PILRB: variants seen among roughly 807,000 people sequenced by gnomAD.
PILRB encodes the protein paired immunoglobin like type 2 receptor beta.
A neutral mutation model predicts 20.5 loss-of-function variants in PILRB; 21 were observed. The ratio of observed to expected loss-of-function variants is 1.02; its 90% confidence interval spans 0.72 to 1.47. The LOEUF (loss-of-function observed/expected upper bound fraction) is 1.47. Ranked by LOEUF, PILRB falls within the 40% of genes most tolerant of loss-of-function variation. The pLI, the probability that PILRB is intolerant of heterozygous loss-of-function variation, is 0.00. For missense variants in PILRB, 253 were observed against 272.1 expected (o/e 0.93, Z 0.49); for synonymous variants, 133 against 115.1 (o/e 1.16, Z -0.99).
intron 3 of PILRB, among the ~76,000 whole-genome samples, chr7:100,367,044 ACTG>A (rs943088002): frequency 1.3e-5 from 2 of 151,850 alleles, no homozygotes; most frequent in Admixed American, 1.3e-4. Flanking sequence ...TGGGATGGAG[ACTG>A]CTATCACCTG....
At chr7:100,362,758 C>A (rs1414122285) in intron 3 of PILRB, among the ~76,000 whole-genome samples, 1 of 152,096 alleles carries the variant, frequency 6.6e-6, no homozygotes. Flanking sequence ...ATCCGCCCAC[C>A]TTGGCCTCCC....
rs1006223388 is a variant in PILRB, at chr7:100,358,363, C to A, written c.61C>A (p.Pro21Thr). ...LLLQPPAFLQ[P>T]GGSTGSGPSY... ...GCTGCAGCCGCCAGCATTTCTGCAGCCTGGTGAGTACCCAGGACCGCCCAG... is the reference window on the plus strand; with the variant it reads ...GCTGCAGCCGCCAGCATTTCTGCAGACTGGTGAGTACCCAGGACCGCCCAG... The change falls in exon 1 of 4, where the codon CCT becomes ACT. Residue 21 changes from proline to threonine, a missense_variant. Physicochemically the swap from Pro to Thr is conservative, Grantham distance 38. Coordinates refer to ENST00000609309, the MANE Select transcript of PILRB (RefSeq NM_178238.4). 1 of 1,612,420 alleles carries A rather than the reference C, an allele frequency of 6.2e-7. No homozygotes were observed. The highest frequency in any genetic ancestry group is 1.7e-5 in the Admixed American group (1 of 60,026).
In PILRB at chr7:100,367,726, T is replaced by TACGGC; in HGVS notation, c.*349_*350insACGGC. ...GATGGAAAAATACAATTTATTTTGC[T>TACGGC]TACCATACACCCCTTTTCTCCTCGT... On this transcript the variant is annotated 3_prime_UTR_variant, in exon 4 of 4. Transcript: ENST00000609309. 3.6e-6 allele frequency: 1 copy of TACGGC among 276,334 alleles called. No individual in the cohort carries two copies. The highest frequency in any genetic ancestry group is 6.9e-6 in the Non-Finnish European group (1 of 145,008). The allele number at this position is 276,334 out of a possible 1,614,324, so 17.1% of individuals were successfully genotyped here.
intron 3 of PILRB, among the ~76,000 whole-genome samples, chr7:100,360,554 G>A (rs988463321): frequency 6.6e-6 from 1 of 152,148 alleles, no homozygotes; most frequent in African/African-American, 2.4e-5. Context: ...GGCAGGAGAG[G>A]AGAGAAGAGG....
In PILRB at chr7:100,359,265, A is replaced by C. The variant is rs749349575; in HGVS notation, c.455-72A>C. The C allele has an allele frequency of 6.1e-5, 95 of 1,552,378 alleles. 1 individual carries two copies. Among genetic ancestry groups the C allele is most frequent in the Non-Finnish European group, 8.3e-5 (93 of 1,125,628 alleles). On this transcript the variant is annotated intron_variant, in intron 2 of 3. Transcript: ENST00000609309. ...CCTGAATGTCCCCAATCTAGAAAGCAGCACACCATGCCTTTCATCCAGACG... is the reference window on the plus strand; with the variant it reads ...CCTGAATGTCCCCAATCTAGAAAGCCGCACACCATGCCTTTCATCCAGACG...
chr7:100,367,353 C>G lies in PILRB; in HGVS notation c.660C>G (p.Ser220Arg), dbSNP rs749747032. ...AAAACACTTCCCCTCCTGCAGGTAG[C>G]AGGGCGCCAAGCAGTGACTTCTGAC... The part of the protein sequence containing the change: ...LLLWWRRRKG[S>R]RAPSSDF The change falls in exon 4 of 4, where the codon AGC (serine) becomes AGG (arginine). Residue 220 changes from serine to arginine, a missense_variant. Ser to Arg is a moderately radical substitution (Grantham distance 110). Coordinates refer to ENST00000609309, the MANE Select transcript of PILRB (RefSeq NM_178238.4). 3.1e-5 allele frequency: 24 copies of G among 780,838 alleles called. No individual in the cohort carries two copies. The Admixed American group carries it at 4.1e-4, about 13-fold the overall frequency. The allele number at this position is 780,838 out of a possible 1,614,324, so 48.4% of individuals were successfully genotyped here. A position where few individuals can be genotyped will look rare whatever the true frequency, so the allele number is the denominator to read the frequency against.
At chr7:100,363,405 T>A (rs1790587630) in intron 3 of PILRB, among the ~76,000 whole-genome samples, 1 of 152,052 alleles carries the variant, frequency 6.6e-6, no homozygotes, top group African/African-American at 2.4e-5. Context: ...AAAAGAAAAT[T>A]AAGAAAACAA....
chr7:100,365,751 G>C (rs1790663391), intron 3 of PILRB, among the ~76,000 whole-genome samples: 1 of 152,116 alleles, frequency 6.6e-6, no homozygotes, highest in Admixed American at 6.6e-5. Context: ...CCAGGAGATG[G>C]AGGTTGCAGT....
At chr7:100,362,602 G>A (rs1214967427) in intron 3 of PILRB, among the ~76,000 whole-genome samples, 2 of 151,816 alleles carry the variant, frequency 1.3e-5, no homozygotes, top group East Asian at 1.9e-4. Flanking sequence ...TCTGCCTCCC[G>A]GGTTCAAGCG....
chr7:100,367,085 C>T (rs1195424155), intron 3 of PILRB, among the ~76,000 whole-genome samples: 1 of 152,074 alleles, frequency 6.6e-6, no homozygotes, highest in East Asian at 1.9e-4. Context: ...CTGTTGGTCC[C>T]CCTACACGTC....
intron 3 of PILRB, among the ~76,000 whole-genome samples, chr7:100,366,913 T>C (rs1790707335): frequency 6.6e-6 from 1 of 151,748 alleles, no homozygotes; most frequent in South Asian, 2.1e-4. Flanking sequence ...GGAGAACAGG[T>C]CGGGGGGGAG....
chr7:100,359,926 G>A (rs1218021391), intron 3 of PILRB, among the ~76,000 whole-genome samples: 2 of 152,220 alleles, frequency 1.3e-5, no homozygotes, highest in African/African-American at 4.8e-5. Flanking sequence ...AGGAGGCTGA[G>A]GCAGGAGAAT....
intron 3 of PILRB, among the ~76,000 whole-genome samples, 200 bp from the exon 4 acceptor site, chr7:100,367,149 G>A (rs1790716995): frequency 6.6e-6 from 1 of 152,166 alleles, no homozygotes; most frequent in Non-Finnish European, 1.5e-5. Flanking sequence ...CCTCCCCAAG[G>A]GAGTGGGGAG....
intron 3 of PILRB, among the ~76,000 whole-genome samples, chr7:100,364,781 C>G (rs954446690): frequency 6.6e-6 from 1 of 152,010 alleles, no homozygotes; most frequent in Non-Finnish European, 1.5e-5. Flanking sequence ...CTCAAAATAC[C>G]CCAAACGTAG....
rs373307150 is a variant in PILRB, at chr7:100,358,383, G to T, written c.64+17G>T. On this transcript the variant is annotated intron_variant, in intron 1 of 3. Transcript: ENST00000609309. ...TGCAGCCTGGTGAGTACCCAGGACC[G>T]CCCAGGTATGGTCTCTGCCCAAACC... is the stretch of plus-strand genomic sequence containing the variant. 2 of 1,610,498 alleles carry T rather than the reference G, an allele frequency of 1.2e-6. No individual in the cohort carries two copies. Among genetic ancestry groups the T allele is most frequent in the Admixed American group, 3.3e-5 (2 of 59,994 alleles).
At chr7:100,359,248 T>A in intron 2 of PILRB, 89 bp from the exon 3 acceptor site, 1 of 1,525,128 alleles carries the variant, frequency 6.6e-7, no homozygotes, top group Non-Finnish European at 9.1e-7. Flanking sequence ...ATCCTGAATG[T>A]CCCCAATCTA....
chr7:100,362,764 C>T (rs1023882924), intron 3 of PILRB, among the ~76,000 whole-genome samples: 11 of 152,188 alleles, frequency 7.2e-5, no homozygotes, highest in African/African-American at 2.4e-4. Context: ...CCACCTTGGC[C>T]TCCCAAAGTG....
chr7:100,364,903 ATGAT>A (rs1329685993), intron 3 of PILRB, among the ~76,000 whole-genome samples: 1 of 152,140 alleles, frequency 6.6e-6, no homozygotes, highest in Non-Finnish European at 1.5e-5. Flanking sequence ...GTAGTGAACT[ATGAT>A]TGTGCCACTG....
At chr7:100,364,848 G>T (rs1030701619) in intron 3 of PILRB, among the ~76,000 whole-genome samples, 4 of 152,056 alleles carry the variant, frequency 2.6e-5, no homozygotes, top group African/African-American at 9.7e-5. Context: ...AGCTACTCGG[G>T]AAGCTGAGGT....
Sources: allele counts gnomAD v4.1 joint callset (sites outside exome capture counted in the v4.1 genomes callset), GRCh38; gene constraint gnomAD v4.1.1; transcripts MANE v1.5; gene names NCBI Gene and HGNC (gene_info 2026-07-23, HGNC 2026-07-21).